SUMF1: variants seen among roughly 807,000 people sequenced by gnomAD.
SUMF1 encodes the protein formylglycine-generating enzyme.
SUMF1 carries 48 observed loss-of-function variants against 47.6 expected under a neutral mutation model. That is an observed-to-expected ratio of 1.01 (90% CI 0.80 to 1.28). The LOEUF (loss-of-function observed/expected upper bound fraction) is 1.28. Ranked by LOEUF, SUMF1 falls within the 50% of genes most tolerant of loss-of-function variation. SUMF1 has a pLI of 0.00. For missense variants in SUMF1, 571 were observed against 485.4 expected (o/e 1.18, Z -1.66); for synonymous variants, 230 against 192.1 (o/e 1.20, Z -1.63).
rs541525912 is a variant in SUMF1, at chr3:4,106,685, G to A, written c.1015-37940C>T. 5.3e-5 allele frequency among the ~76,000 whole-genome samples: 8 copies of A among 152,152 alleles called. No individual in the cohort carries two copies. In the East Asian group the frequency reaches 1.4e-3, roughly 26 times the overall value. On this transcript the variant is annotated intron_variant and NMD_transcript_variant, in intron 8 of 12. Coordinates refer to the SUMF1 transcript ENST00000448413. ...AGTAGTCAAACCCTGGAGAAATCAG[G>A]AACTGACTCTACTTGAATCCTTAAA...
At chr3:4,101,932 T>C (rs772910782) in intron 8 of SUMF1, among the ~76,000 whole-genome samples, 4 of 152,136 alleles carry the variant, frequency 2.6e-5, no homozygotes, top group African/African-American at 4.8e-5. Flanking sequence ...CTTACAATCA[T>C]GGTGGAAGGC....
At chr3:4,225,906 T>G (rs2124976027) in intron 8 of SUMF1, among the ~76,000 whole-genome samples, 1 of 152,246 alleles carries the variant, frequency 6.6e-6, no homozygotes, top group Middle Eastern at 3.4e-3. Flanking sequence ...TATAAGGCTA[T>G]GCATCAAGTG....
intron 3 of SUMF1, among the ~76,000 whole-genome samples, chr3:4,442,697 C>A (rs1387239478): frequency 2.0e-5 from 3 of 147,738 alleles, no homozygotes; most frequent in African/African-American, 7.5e-5. Flanking sequence ...GGGAAGAAAT[C>A]CAGGACATCT....
chr3:4,233,305 C>T (rs1002418115), intron 8 of SUMF1, among the ~76,000 whole-genome samples: 1 of 152,110 alleles, frequency 6.6e-6, no homozygotes, highest in African/African-American at 2.4e-5. Context: ...CTATTCCAAA[C>T]CTTCCTACTT....
intron 8 of SUMF1, among the ~76,000 whole-genome samples, chr3:4,090,868 G>A (rs574487821): frequency 1.2e-4 from 18 of 152,018 alleles, no homozygotes; most frequent in East Asian, 3.9e-4. Context: ...ATGGGAGGCC[G>A]AGGCAGGTGG....
chr3:4,173,201 C>T (rs1044130782), intron 8 of SUMF1, among the ~76,000 whole-genome samples: 1 of 152,130 alleles, frequency 6.6e-6, no homozygotes, highest in Non-Finnish European at 1.5e-5. Context: ...TCTTCTGTTC[C>T]ATTGCTCTAT....
chr3:4,335,248 C>T (rs1699121871), intron 8 of SUMF1, among the ~76,000 whole-genome samples: 1 of 152,182 alleles, frequency 6.6e-6, no homozygotes, highest in Admixed American at 6.5e-5. Context: ...AATGACTTCT[C>T]ATCACTCTCA....
In SUMF1 at chr3:4,310,310, G is replaced by A. The variant is rs887339270; in HGVS notation, c.1014+66020C>T. Among the ~76,000 whole-genome samples the A allele has an allele frequency of 3.3e-5, 5 of 152,038 alleles. No homozygotes were observed. In the East Asian group the frequency reaches 7.7e-4, roughly 23 times the overall value. ...TCAATATGTAAATACCTGAAAAGATGGGTAATTACATAATCAGATGTTAAA... is the reference window on the plus strand; with the variant it reads ...TCAATATGTAAATACCTGAAAAGATAGGTAATTACATAATCAGATGTTAAA... On this transcript the variant is annotated intron_variant and NMD_transcript_variant, in intron 8 of 12. Coordinates refer to the SUMF1 transcript ENST00000448413.
intron 8 of SUMF1, among the ~76,000 whole-genome samples, chr3:4,151,843 C>G (rs556485217): frequency 6.6e-6 from 1 of 151,432 alleles, no homozygotes; most frequent in Non-Finnish European, 1.5e-5. Flanking sequence ...AGAAAAGATG[C>G]ACTGGGACAG....
intron 8 of SUMF1, among the ~76,000 whole-genome samples, chr3:4,249,003 G>A (rs549359939): frequency 5.9e-5 from 9 of 152,126 alleles, no homozygotes; most frequent in East Asian, 1.9e-4. Context: ...ATGATCTTTC[G>A]TCCCCTTCTC....
intron 8 of SUMF1, among the ~76,000 whole-genome samples, chr3:4,339,122 C>G (rs1699216057): frequency 6.6e-6 from 1 of 152,148 alleles, no homozygotes; most frequent in Non-Finnish European, 1.5e-5. Flanking sequence ...GTGACGTAGC[C>G]CATTTCTGTG....
intron 8 of SUMF1, among the ~76,000 whole-genome samples, chr3:4,220,845 C>T (rs1696044671): frequency 6.6e-6 from 1 of 152,086 alleles, no homozygotes; most frequent in South Asian, 2.1e-4. Flanking sequence ...TTCTCTGGAT[C>T]CCTTCCAGCA....
chr3:4,161,348 G>C (rs1343606789), intron 8 of SUMF1, among the ~76,000 whole-genome samples: 1 of 152,114 alleles, frequency 6.6e-6, no homozygotes, highest in Non-Finnish European at 1.5e-5. Context: ...ACAATCAGCA[G>C]GTGGGAAAGC....
At chr3:4,322,917 TAAAAA>T (rs919464700) in intron 8 of SUMF1, among the ~76,000 whole-genome samples, 2 of 151,686 alleles carry the variant, frequency 1.3e-5, no homozygotes, top group Non-Finnish European at 2.9e-5. Context: ...GATGCTGTCT[TAAAAA>T]AAAGTATGCA....
At chr3:4,213,187 G>A (rs922550528) in intron 8 of SUMF1, among the ~76,000 whole-genome samples, 4 of 152,164 alleles carry the variant, frequency 2.6e-5, no homozygotes, top group South Asian at 2.1e-4. Context: ...ACACAAAGGA[G>A]AGCCCATCAG....
rs1693582246 is a variant in SUMF1, at chr3:4,123,176, G to A, written c.1015-54431C>T. On this transcript the variant is annotated intron_variant and NMD_transcript_variant, in intron 8 of 12. Transcript: ENST00000448413. ...AATCTTGTATAGACGTGATTAGAGG[G>A]GATGAGAGATGCAATGGTCAAGGAA... is the stretch of plus-strand genomic sequence containing the variant. Among the ~76,000 whole-genome samples, 12 of 152,166 alleles carry A rather than the reference G, an allele frequency of 7.9e-5. No homozygotes were observed. In the South Asian group the frequency reaches 2.5e-3, roughly 32 times the overall value.
chr3:4,262,063 T>C lies in SUMF1; in HGVS notation c.1014+114267A>G, dbSNP rs142954314. 1.1e-4 allele frequency among the ~76,000 whole-genome samples: 16 copies of C among 152,312 alleles called. No individual in the cohort carries two copies. In the East Asian group the frequency reaches 2.5e-3, roughly 24 times the overall value. On this transcript the variant is annotated intron_variant and NMD_transcript_variant, in intron 8 of 12. Coordinates refer to the SUMF1 transcript ENST00000448413. ...GCCAAAACTGACCACATCTCTGATA[T>C]TCTCTGTGCACTCAGAGCTGCTATA...
At chr3:4,280,795 A>G (rs773497010) in intron 8 of SUMF1, among the ~76,000 whole-genome samples, 32 of 148,226 alleles carry the variant, frequency 2.2e-4, no homozygotes, top group Non-Finnish European at 4.0e-4. Flanking sequence ...TATAACTCCA[A>G]TCTTCAAATG....
chr3:4,245,432 C>A (rs1167933914), intron 8 of SUMF1, among the ~76,000 whole-genome samples: 2 of 152,060 alleles, frequency 1.3e-5, no homozygotes. Flanking sequence ...TGTGGATGTC[C>A]TTTTTGTTGA....
Sources: allele counts gnomAD v4.1 joint callset (sites outside exome capture counted in the v4.1 genomes callset), GRCh38; gene constraint gnomAD v4.1.1; transcripts MANE v1.5; gene names NCBI Gene and HGNC (gene_info 2026-07-23, HGNC 2026-07-21).